CNTN4: variants seen among roughly 807,000 people sequenced by gnomAD.
CNTN4 encodes the protein contactin-4.
Under a neutral mutation model 122.5 loss-of-function variants are expected in CNTN4, and 77 were observed. That is an observed-to-expected ratio of 0.63 (90% CI 0.52 to 0.76). The LOEUF is 0.76. CNTN4 is among the 30% of genes least tolerant of loss of function. The pLI, the probability that CNTN4 is intolerant of heterozygous loss-of-function variation, is 0.00. For synonymous variants in CNTN4, 512 were observed against 447.0 expected (o/e 1.15, Z -1.83); for missense variants, 1,256 against 1,259.1 (o/e 1.00, Z 0.04).
chr3:2,941,340 G>C (rs1427382649), intron 13 of CNTN4, among the ~76,000 whole-genome samples: 1 of 152,010 alleles, frequency 6.6e-6, no homozygotes, highest in Non-Finnish European at 1.5e-5. Context: ...AACACCATGT[G>C]TGTACTGACA....
chr3:2,436,735 T>A (rs1263072469), intron 3 of CNTN4, among the ~76,000 whole-genome samples: 1 of 151,162 alleles, frequency 6.6e-6, no homozygotes, highest in Non-Finnish European at 1.5e-5. Context: ...CTCTTATATC[T>A]TTTATTTTAA....
At chr3:2,407,543 G>T (rs986196978) in intron 3 of CNTN4, among the ~76,000 whole-genome samples, 12 of 152,234 alleles carry the variant, frequency 7.9e-5, no homozygotes, top group African/African-American at 2.6e-4. Flanking sequence ...CAAATATAAA[G>T]AACACTGGAG....
Position 2,709,547 on chromosome 3 carries a change from C to A in CNTN4, c.56-26668C>A, listed in dbSNP as rs1411117994. Among the ~76,000 whole-genome samples, 3 of 152,150 alleles carry A rather than the reference C, an allele frequency of 2.0e-5. No homozygotes were observed. The highest frequency in any genetic ancestry group is 4.4e-5 in the Non-Finnish European group (3 of 68,030). On this transcript the variant is annotated intron_variant, in intron 4 of 24. Transcript: ENST00000418658. The surrounding 1 kb of genome is among the most constrained non-coding windows in gnomAD (Gnocchi z 5.0). ...AAAGATTTATGCCAGACTTCTAGAC[C>A]AGTCTCCTTTCCAATTCCATAAAAT...
chr3:2,382,502 A>AT (rs1366166205), intron 3 of CNTN4, among the ~76,000 whole-genome samples: 1 of 152,088 alleles, frequency 6.6e-6, no homozygotes, highest in Non-Finnish European at 1.5e-5. Context: ...ACCAGGAGGC[A>AT]TTTTTTAGCC....
At chr3:2,162,144 A>G (rs2035990853) in intron 2 of CNTN4, among the ~76,000 whole-genome samples, 1 of 152,212 alleles carries the variant, frequency 6.6e-6, no homozygotes, top group South Asian at 2.1e-4. Context: ...AATTTAGTGT[A>G]GTTTTCCTAT....
chr3:2,885,378 C>G (rs1356532405), intron 9 of CNTN4, among the ~76,000 whole-genome samples: 3 of 152,106 alleles, frequency 2.0e-5, no homozygotes, highest in African/African-American at 4.8e-5. Flanking sequence ...ATCTTTCTTT[C>G]TCTCACTATT....
At chr3:2,347,795 AT>A (rs63386961) in intron 3 of CNTN4, among the ~76,000 whole-genome samples, 52,033 of 150,648 alleles carry the variant, frequency 0.35, 9,163 homozygotes, top group Admixed American at 0.4. Context: ...CCAAATGTTC[AT>A]TTTTTTTTTT....
chr3:2,428,718 C>T (rs1199619467), intron 3 of CNTN4, among the ~76,000 whole-genome samples: 14 of 152,156 alleles, frequency 9.2e-5, no homozygotes, highest in African/African-American at 1.4e-4. Context: ...ACCAATCAGA[C>T]GTGGATTTGG....
intron 3 of CNTN4, among the ~76,000 whole-genome samples, chr3:2,432,580 G>A (rs983706161): frequency 2.0e-5 from 3 of 151,390 alleles, no homozygotes; most frequent in Non-Finnish European, 4.4e-5. Context: ...ATTCCACCCT[G>A]TGTGTGTGTG....
intron 6 of CNTN4, among the ~76,000 whole-genome samples, chr3:2,782,914 C>G (rs1453110276): frequency 6.6e-6 from 1 of 152,114 alleles, no homozygotes; most frequent in Non-Finnish European, 1.5e-5. Flanking sequence ...TCTTGGGTCT[C>G]CTGGCCTGAT....
At chr3:2,170,786 T>C (rs1325173846) in intron 2 of CNTN4, among the ~76,000 whole-genome samples, 1 of 152,168 alleles carries the variant, frequency 6.6e-6, no homozygotes, top group African/African-American at 2.4e-5. Context: ...TAAAAACTTA[T>C]GCAGATGTAG....
At position 3,005,440 on chromosome 3, in the gene CNTN4, T is replaced by A. The variant is rs534303749; in HGVS notation, c.1486+16968T>A. On this transcript the variant is annotated intron_variant, in intron 14 of 24. Transcript: ENST00000418658. ...GAAATCTCTTCAGCTAAATATCCAG[T>A]GTCATCACTTGCAAATTCTCCCTGC... is the stretch of plus-strand genomic sequence containing the variant. Among the ~76,000 whole-genome samples the A allele has an allele frequency of 1.2e-4, 19 of 152,340 alleles. No homozygotes were observed. In the East Asian group the frequency reaches 3.1e-3, roughly 25 times the overall value.
chr3:3,039,402 G>C (rs1699940815), intron 19 of CNTN4: 1 of 185,586 alleles, frequency 5.4e-6, no homozygotes, highest in Non-Finnish European at 1.1e-5. Flanking sequence ...CTTCTAGAAG[G>C]GGCCCTCTTT....
At chr3:2,290,588 G>A (rs1259441130) in intron 2 of CNTN4, among the ~76,000 whole-genome samples, 2 of 152,162 alleles carry the variant, frequency 1.3e-5, no homozygotes, top group Non-Finnish European at 2.9e-5. Context: ...GAATGAAAAA[G>A]TTCAGTTTGA....
rs1187878402 is a variant in CNTN4 at position 2,238,820 on chromosome 3, C to CG, written c.-144-100355dup. On this transcript the variant is annotated intron_variant, in intron 2 of 24. Coordinates refer to ENST00000418658, the MANE Select transcript of CNTN4 (RefSeq NM_175607.3). ...TCGGCTCACTGCAAGCTCCGCCTCC[C>CG]GGGTTCCCGCCATTCTCCCGCCTCA... The CG allele has an allele frequency of 3.8e-5, 4 of 105,076 alleles. 2 individuals carry two copies. Among genetic ancestry groups the CG allele is most frequent in the Non-Finnish European group, 8.1e-5 (4 of 49,508 alleles). 6.5% of individuals were successfully genotyped at this position (105,076 alleles called of 1,614,324 possible). A position where few individuals can be genotyped will look rare whatever the true frequency, so the allele number is the denominator to read the frequency against.
intron 4 of CNTN4, among the ~76,000 whole-genome samples, chr3:2,666,329 A>G (rs1036192695): frequency 4.6e-5 from 7 of 152,186 alleles, no homozygotes; most frequent in Non-Finnish European, 4.4e-5. Context: ...AAGTCTTCAT[A>G]GTCATGGTTT....
chr3:2,298,259 C>T (rs1228186810), intron 2 of CNTN4, among the ~76,000 whole-genome samples: 2 of 152,090 alleles, frequency 1.3e-5, no homozygotes, highest in Non-Finnish European at 2.9e-5. Context: ...GTCGTCTTGT[C>T]AGTCGAATTA....
At chr3:2,697,611 A>G (rs2086111232) in intron 4 of CNTN4, among the ~76,000 whole-genome samples, 1 of 152,198 alleles carries the variant, frequency 6.6e-6, no homozygotes, top group Non-Finnish European at 1.5e-5. Flanking sequence ...CTTTGCAATT[A>G]TATCAGACAA....
At chr3:2,793,916 A>T (rs185417159) in intron 6 of CNTN4, among the ~76,000 whole-genome samples, 2 of 152,224 alleles carry the variant, frequency 1.3e-5, no homozygotes, top group African/African-American at 4.8e-5. Flanking sequence ...TCAAATTCCT[A>T]TCTGAGAAAA....
Sources: allele counts gnomAD v4.1 joint callset (sites outside exome capture counted in the v4.1 genomes callset), GRCh38; gene constraint gnomAD v4.1.1; non-coding constraint Gnocchi (gnomAD v3.1); transcripts MANE v1.5; gene names NCBI Gene and HGNC (gene_info 2026-07-23, HGNC 2026-07-21).